Variants in NTRK2 observed in about 807,000 individuals in gnomAD.
NTRK2 encodes BDNF/NT-3 growth factors receptor.
A neutral mutation model predicts 94.5 loss-of-function variants in NTRK2; 13 were observed. That is an observed-to-expected ratio of 0.14 (90% CI 0.09 to 0.22). The LOEUF (loss-of-function observed/expected upper bound fraction) is 0.22. NTRK2 is among the 10% of genes least tolerant of loss of function. The pLI, the probability that NTRK2 is intolerant of heterozygous loss-of-function variation, is 1.00. For synonymous variants in NTRK2, 372 were observed against 407.4 expected (o/e 0.91, Z 1.05); for missense variants, 639 against 1,071.2 (o/e 0.60, Z 5.63).
chr9:84,719,622 G>T (rs1324272700), intron 6 of NTRK2, among the ~76,000 whole-genome samples: 2 of 152,044 alleles, frequency 1.3e-5, no homozygotes, highest in East Asian at 3.9e-4. Flanking sequence ...TTCATCAGTG[G>T]GGTCTGGCTA....
intron 12 of NTRK2, among the ~76,000 whole-genome samples, chr9:84,756,335 C>A (rs1490555254): frequency 6.6e-6 from 1 of 152,166 alleles, no homozygotes; most frequent in Non-Finnish European, 1.5e-5. Flanking sequence ...GGCTCCGTGT[C>A]TTCACTGAAG....
intron 17 of NTRK2, among the ~76,000 whole-genome samples, chr9:84,970,355 A>G (rs1826043237): frequency 6.6e-6 from 1 of 152,038 alleles, no homozygotes; most frequent in Non-Finnish European, 1.5e-5. Flanking sequence ...AGCCTGGGGG[A>G]CAGAGTGCAA....
At chr9:84,770,583 C>T (rs1233392664) in intron 12 of NTRK2, among the ~76,000 whole-genome samples, 1 of 152,156 alleles carries the variant, frequency 6.6e-6, no homozygotes, top group Non-Finnish European at 1.5e-5. Flanking sequence ...TTATTTGATG[C>T]CTTTTATCAG....
intron 14 of NTRK2, among the ~76,000 whole-genome samples, chr9:84,923,124 G>C (rs1240514690): frequency 6.6e-6 from 1 of 152,206 alleles, no homozygotes; most frequent in African/African-American, 2.4e-5. Context: ...AATTGGGGTA[G>C]AGTCTACAGC....
intron 12 of NTRK2, among the ~76,000 whole-genome samples, chr9:84,828,330 G>C (rs903417778): frequency 6.6e-6 from 1 of 152,136 alleles, no homozygotes; most frequent in Non-Finnish European, 1.5e-5. Context: ...TTGTCAAAGA[G>C]CTATAACTTC....
At chr9:84,671,259 G>A (rs1292449109) in intron 2 of NTRK2, among the ~76,000 whole-genome samples, 2 of 152,190 alleles carry the variant, frequency 1.3e-5, no homozygotes, top group Non-Finnish European at 2.9e-5. Context: ...TCTGCTGGGT[G>A]TGCTTTAGGC....
intron 12 of NTRK2, among the ~76,000 whole-genome samples, chr9:84,791,496 C>T (rs1443059857): frequency 6.6e-6 from 1 of 152,096 alleles, no homozygotes. Context: ...AGTTCATCTG[C>T]ATAGAGTTCT....
intron 12 of NTRK2, among the ~76,000 whole-genome samples, chr9:84,817,505 T>C (rs2072503251): frequency 6.6e-6 from 1 of 152,244 alleles, no homozygotes; most frequent in Non-Finnish European, 1.5e-5. Flanking sequence ...TGAGTTTGAA[T>C]GATGGTCTGT....
chr9:84,912,440 TTA>T (rs2077264118), intron 14 of NTRK2, among the ~76,000 whole-genome samples: 1 of 152,062 alleles, frequency 6.6e-6, no homozygotes, highest in African/African-American at 2.4e-5. Context: ...TTTAGGTTTA[TTA>T]TGTCTTTTTG....
chr9:84,889,236 C>T (rs2076523850), intron 14 of NTRK2, among the ~76,000 whole-genome samples: 1 of 151,250 alleles, frequency 6.6e-6, no homozygotes, highest in South Asian at 2.1e-4. Flanking sequence ...GTGATCCGCC[C>T]GCCTCGGCCT....
intron 12 of NTRK2, among the ~76,000 whole-genome samples, chr9:84,859,443 A>G (rs1231410456): frequency 6.6e-6 from 1 of 152,208 alleles, no homozygotes; most frequent in Non-Finnish European, 1.5e-5. Context: ...TTGAATGAGT[A>G]ATTCAATTTC....
chr9:84,865,916 T>G (rs551103305), intron 13 of NTRK2, among the ~76,000 whole-genome samples: 2 of 152,332 alleles, frequency 1.3e-5, no homozygotes, highest in African/African-American at 4.8e-5. Flanking sequence ...ACCTTTATCT[T>G]TGTGCATCTA....
chr9:84,692,792 T>C (rs554739245), intron 2 of NTRK2, among the ~76,000 whole-genome samples: 1 of 152,256 alleles, frequency 6.6e-6, no homozygotes, highest in Non-Finnish European at 1.5e-5. Context: ...TGTGTGCTAG[T>C]CTCCTGGTAG....
chr9:85,015,310 C>T (rs1466243342), intron 17 of NTRK2, among the ~76,000 whole-genome samples: 2 of 152,066 alleles, frequency 1.3e-5, no homozygotes, highest in African/African-American at 2.4e-5. Flanking sequence ...CTTAGAGAGA[C>T]TTTATACTCC....
At chr9:84,862,066 C>T (rs2132002957) in intron 13 of NTRK2, among the ~76,000 whole-genome samples, 1 of 152,326 alleles carries the variant, frequency 6.6e-6, no homozygotes, top group East Asian at 1.9e-4. Context: ...CTGAGGCAGC[C>T]TGGCCAGATG....
chr9:84,738,577 G>A (rs2063414287), intron 9 of NTRK2, among the ~76,000 whole-genome samples: 1 of 152,190 alleles, frequency 6.6e-6, no homozygotes, highest in Admixed American at 6.5e-5. Context: ...AATATCATGG[G>A]AGGTTTTGCT....
At chr9:84,989,716 T>A (rs1420732120) in intron 17 of NTRK2, among the ~76,000 whole-genome samples, 1 of 152,248 alleles carries the variant, frequency 6.6e-6, no homozygotes, top group Admixed American at 6.5e-5. Context: ...CTATAAGCCT[T>A]CCGACTCCTT....
At chr9:84,796,056 T>C (rs1341046761) in intron 12 of NTRK2, among the ~76,000 whole-genome samples, 1 of 152,034 alleles carries the variant, frequency 6.6e-6, no homozygotes, top group African/African-American at 2.4e-5. Context: ...CCTCCATGAA[T>C]TGTGTCACAT....
intron 4 of NTRK2, among the ~76,000 whole-genome samples, chr9:84,706,981 A>G (rs1346934402): frequency 1.3e-5 from 2 of 152,132 alleles, no homozygotes; most frequent in Non-Finnish European, 1.5e-5. Flanking sequence ...TTATTTATTA[A>G]ACACATCTTG....
Sources: allele counts gnomAD v4.1 joint callset (sites outside exome capture counted in the v4.1 genomes callset), GRCh38; gene constraint gnomAD v4.1.1; transcripts MANE v1.5; gene names NCBI Gene and HGNC (gene_info 2026-07-23, HGNC 2026-07-21).